NRG2: variants seen among roughly 807,000 people sequenced by gnomAD.
NRG2 encodes the protein neuregulin 2.
NRG2 carries 27 observed loss-of-function variants against 73.9 expected under a neutral mutation model. That is an observed-to-expected ratio of 0.37 (90% CI 0.27 to 0.50). NRG2 has a LOEUF of 0.50. Ranked by LOEUF, NRG2 falls within the 20% of genes least tolerant of loss-of-function variation. The pLI, the probability that NRG2 is intolerant of heterozygous loss-of-function variation, is 0.96. For missense variants in NRG2, 1,126 were observed against 1,210.1 expected (o/e 0.93, Z 1.03); for synonymous variants, 532 against 541.0 (o/e 0.98, Z 0.23).
At chr5:139,929,355 G>A (rs1752292095) in intron 1 of NRG2, among the ~76,000 whole-genome samples, 2 of 152,208 alleles carry the variant, frequency 1.3e-5, no homozygotes, top group African/African-American at 4.8e-5. Flanking sequence ...CATTAAGCGT[G>A]TTATACCTTC....
At chr5:139,872,097 C>T (rs1358690331) in intron 3 of NRG2, among the ~76,000 whole-genome samples, 1 of 152,204 alleles carries the variant, frequency 6.6e-6, no homozygotes, top group Admixed American at 6.5e-5. Context: ...GATTTTCATT[C>T]TTTTGTGGGG....
intron 1 of NRG2, among the ~76,000 whole-genome samples, chr5:139,957,206 T>C (rs1156831074): frequency 6.6e-6 from 1 of 152,132 alleles, no homozygotes; most frequent in Non-Finnish European, 1.5e-5. Flanking sequence ...GTTGGCCAAG[T>C]AGCTTCTCAT....
chr5:139,852,986 A>G lies in NRG2; in HGVS notation c.1334T>C (p.Met445Thr), dbSNP rs754056666. 8 of 1,613,390 alleles carry G rather than the reference A, an allele frequency of 5.0e-6. No homozygotes were observed. Among genetic ancestry groups the G allele is most frequent in the East Asian group, 2.2e-5 (1 of 44,790 alleles). Residue 445 changes from methionine to threonine, a missense_variant, in exon 7 of 10, where the codon ATG becomes ACG. Physicochemically the swap from Met to Thr is moderately conservative, Grantham distance 81. Transcript: ENST00000361474. This position sits in a 1 kb window ranked among gnomAD's most constrained non-coding sequence, Gnocchi z 4.4. ...GCTCCGGTTCTGATGGGCCGGGCAC[A>G]TGTTCTGCCGGAGGTGGTTGTGCAT... ...KQMHNHLRQN[M>T]CPAHQNRSLA...
chr5:139,847,955 G>A lies in NRG2; in HGVS notation c.2515C>T (p.Pro839Ser). 1 of 1,508,426 alleles carries A rather than the reference G, an allele frequency of 6.6e-7. No individual in the cohort carries two copies. Among genetic ancestry groups the A allele is most frequent in the South Asian group, 1.2e-5 (1 of 80,580 alleles). 93.4% of individuals were successfully genotyped at this position (1,508,426 alleles called of 1,614,324 possible). ...GAGTCCTGCTTGGCCCGCGGGGGCG[G>A]CCCGCGGCTGTGTCTGCTGCTGGCC... is the stretch of plus-strand genomic sequence containing the variant. ...TRASSRHSRG[P>S]PPRAKQDSAP... The change falls in exon 10 of 10, where the codon CCG (proline) becomes TCG (serine). Residue 839 changes from proline (P) to serine (S), a missense_variant. Transcript: ENST00000361474.
At chr5:139,867,800 G>GT (rs1319269767) in intron 4 of NRG2, among the ~76,000 whole-genome samples, 38 of 88,188 alleles carry the variant, frequency 4.3e-4, no homozygotes, top group African/African-American at 2.4e-3. Flanking sequence ...GTGTGTGTAT[G>GT]AGTGTGTGTG....
intron 1 of NRG2, 56 bp downstream of exon 1, chr5:140,042,314 T>C: frequency 2.2e-6 from 1 of 455,132 alleles, no homozygotes; most frequent in South Asian, 5.7e-5. Context: ...CCCACCCCCA[T>C]TCTCCACCAC....
chr5:140,003,851 C>T (rs879655168), intron 1 of NRG2, among the ~76,000 whole-genome samples: 27 of 152,312 alleles, frequency 1.8e-4, no homozygotes, highest in Admixed American at 1.1e-3. Context: ...TTCCTCCTTT[C>T]TTCTCTTACT....
In NRG2 at chr5:139,894,383, C is replaced by G. The variant is rs1764422794; in HGVS notation, c.701-6872G>C. The stretch of plus-strand genomic sequence containing the variant: ...GCCAGCTGCAGGCCAGCCCCCTTCC[C>G]ACCCCTGTCCCACCCACAAAGTGAC... On this transcript the variant is annotated intron_variant, in intron 1 of 9. Transcript: ENST00000361474. The surrounding 1 kb of genome is among the most constrained non-coding windows in gnomAD (Gnocchi z 5.0). Among the ~76,000 whole-genome samples, 1 of 151,980 alleles carries G rather than the reference C, an allele frequency of 6.6e-6. No individual in the cohort carries two copies. Among genetic ancestry groups the G allele is most frequent in the Admixed American group, 6.5e-5 (1 of 15,276 alleles).
At chr5:139,878,327 G>T (rs1028347857) in intron 3 of NRG2, among the ~76,000 whole-genome samples, 10 of 152,244 alleles carry the variant, frequency 6.6e-5, no homozygotes, top group African/African-American at 2.4e-4. Context: ...CACATGACCT[G>T]GCAGGGTCAT....
chr5:140,043,045 G>C lies in NRG2; in HGVS notation c.25C>G (p.Leu9Val). MRQVCCSA[L>V]PPPPLEKGRC... ...CCCTTCTCCAGTGGCGGCGGCGGCA[G>C]CGCTGAGCAGCAAACCTGCCGCATC... The change falls in exon 1 of 10, where the codon CTG becomes GTG. Residue 9 changes from leucine to valine, a missense_variant. Transcript: ENST00000361474. The surrounding 1 kb of genome is among the most constrained non-coding windows in gnomAD (Gnocchi z 6.7). The C allele has an allele frequency of 3.3e-6, 5 of 1,535,010 alleles. No homozygotes were observed. The highest frequency in any genetic ancestry group is 4.4e-6 in the Non-Finnish European group (5 of 1,147,132).
intron 1 of NRG2, among the ~76,000 whole-genome samples, chr5:139,895,266 T>C (rs1764474809): frequency 6.6e-6 from 1 of 152,182 alleles, no homozygotes; most frequent in African/African-American, 2.4e-5. Context: ...CAGGGAGAGA[T>C]ACCTCATCCC....
intron 1 of NRG2, among the ~76,000 whole-genome samples, chr5:139,940,721 G>T (rs1252351667): frequency 6.6e-6 from 1 of 152,128 alleles, no homozygotes; most frequent in African/African-American, 2.4e-5. Flanking sequence ...TCTCTAGAAG[G>T]ATACCCAAGA....
At chr5:139,938,905 A>AG (rs1753099392) in intron 1 of NRG2, among the ~76,000 whole-genome samples, 2 of 75,494 alleles carry the variant, frequency 2.6e-5, no homozygotes, top group African/African-American at 6.4e-5. Context: ...AGAAAGAAAG[A>AG]AAAGAAAGAA....
chr5:139,957,200 G>T (rs1256585366), intron 1 of NRG2, among the ~76,000 whole-genome samples: 1 of 152,050 alleles, frequency 6.6e-6, no homozygotes, highest in East Asian at 1.9e-4. Context: ...CTCATGGTTG[G>T]CCAAGTAGCT....
At chr5:139,949,187 C>T (rs1397475396) in intron 1 of NRG2, among the ~76,000 whole-genome samples, 2 of 152,032 alleles carry the variant, frequency 1.3e-5, no homozygotes, top group African/African-American at 2.4e-5. Context: ...TTTGAGGAGC[C>T]CCCATCTTTC....
chr5:139,985,825 T>A (rs891614525), intron 1 of NRG2, among the ~76,000 whole-genome samples: 4 of 151,972 alleles, frequency 2.6e-5, no homozygotes, highest in Admixed American at 6.6e-5. Context: ...CCTAATCAGC[T>A]CCTCTCTGAG....
At position 139,848,049 on chromosome 5, in the gene NRG2, C is replaced by A; in HGVS notation, c.2421G>T (p.Ser807=). ...CCGCCGGGCACAGTGGCGGCGAGTC[C>A]GAGCGCAGCGCGTCGTGCGCCCCAC... ...GLRGAHDALR[S]DSPPLCPAAD... Residue 807 remains serine, a synonymous_variant, in exon 10 of 10, where the codon TCG becomes TCT. Coordinates refer to ENST00000361474, the MANE Select transcript of NRG2 (RefSeq NM_004883.3). 6.6e-7 allele frequency: 1 copy of A among 1,506,056 alleles called. No homozygotes were observed. Among genetic ancestry groups the A allele is most frequent in the African/African-American group, 1.4e-5 (1 of 69,136 alleles). 93.3% of individuals were successfully genotyped at this position (1,506,056 alleles called of 1,614,324 possible).
In NRG2 at chr5:139,982,926, CT is replaced by C. The variant is rs144438838; in HGVS notation, c.700+59443del. Among the ~76,000 whole-genome samples the C allele has an allele frequency of 6.7e-4, 102 of 152,342 alleles. 2 individuals carry two copies. The East Asian group carries it at 8.3e-3, about 12-fold the overall frequency. On this transcript the variant is annotated intron_variant, in intron 1 of 9. Coordinates refer to ENST00000361474, the MANE Select transcript of NRG2 (RefSeq NM_004883.3). ...GGTCCATCCCACACTCCTGCAGTTC[CT>C]CTCCCCTTGCTGCTTCCCTTTATCA...
Position 140,042,463 on chromosome 5 carries a change from G to C in NRG2, c.607C>G (p.Gln203Glu). The C allele has an allele frequency of 6.2e-7, 1 of 1,613,354 alleles. No homozygotes were observed. Among genetic ancestry groups the C allele is most frequent in the Non-Finnish European group, 8.5e-7 (1 of 1,179,780 alleles). ...AAGGCCGTCTTAAAGACTAAGGGCT[G>C]TTCCGTGGGCTCCAGGAAAAAGATG... ...RYIFFLEPTEQPLVFKTAFAP... is the reference protein window; with the variant it reads ...RYIFFLEPTEEPLVFKTAFAP... Residue 203 changes from glutamine (Q) to glutamate (E), a missense_variant, in exon 1 of 10, where the codon CAG becomes GAG. By Grantham distance (29) the Gln-to-Glu change is conservative. This residue lies in a region of NRG2 where 539 missense variants were observed against 703.2 expected (regional missense o/e 0.77). Transcript: ENST00000361474.
Sources: allele counts gnomAD v4.1 joint callset (sites outside exome capture counted in the v4.1 genomes callset), GRCh38; gene constraint gnomAD v4.1.1; regional missense constraint gnomAD v4.1.1; non-coding constraint Gnocchi (gnomAD v3.1); transcripts MANE v1.5; gene names NCBI Gene and HGNC (gene_info 2026-07-23, HGNC 2026-07-21).